MTSS2: variants seen among roughly 807,000 people sequenced by gnomAD.
MTSS2 encodes the protein protein MTSS 2.
Under a neutral mutation model 67.1 loss-of-function variants are expected in MTSS2, and 27 were observed. The observed-to-expected ratio is 0.40, with a 90% CI of 0.30 to 0.55. The LOEUF (loss-of-function observed/expected upper bound fraction) is 0.55, where lower values mean the gene tolerates loss of function less well. Ranked by LOEUF, MTSS2 falls within the 20% of genes least tolerant of loss-of-function variation. The pLI is 0.43. For missense variants in MTSS2, 1,171 were observed against 1,067.8 expected (o/e 1.10, Z -1.35); for synonymous variants, 624 against 468.6 (o/e 1.33, Z -4.28).
intron 11 of MTSS2, among the ~76,000 whole-genome samples, chr16:70,668,661 G>A (rs2052811384): frequency 6.6e-6 from 1 of 152,218 alleles, no homozygotes; most frequent in African/African-American, 2.4e-5. Context: ...AAGGTATTGA[G>A]AGGTGATTAG....
chr16:70,677,008 G>T, intron 9 of MTSS2, 30 bp from the exon 10 acceptor site: 1 of 1,577,152 alleles, frequency 6.3e-7, no homozygotes, highest in East Asian at 2.3e-5. Context: ...GGGGTCACTG[G>T]AGGCAGCTCC....
Position 70,661,624 on chromosome 16 carries a change from A to AGTC in MTSS2, c.*2050_*2052dup, listed in dbSNP as rs1375368834. 2 of 341,844 alleles carry AGTC rather than the reference A, an allele frequency of 5.9e-6. No homozygotes were observed. Among genetic ancestry groups the AGTC allele is most frequent in the Non-Finnish European group, 1.1e-5 (2 of 175,722 alleles). 21.2% of individuals were successfully genotyped at this position (341,844 alleles called of 1,614,324 possible). A position where few individuals can be genotyped will look rare whatever the true frequency, so the allele number is the denominator to read the frequency against. ...GGGTGGGCCTATGAGGTGGTTGCTA[A>AGTC]GTCGACGCAAGGGCGGCGGGGGTGG... On this transcript the variant is annotated 3_prime_UTR_variant, in exon 15 of 15. Transcript: ENST00000338779.
At position 70,678,372 on chromosome 16, in the gene MTSS2, C is replaced by G. The variant is rs2053189151; in HGVS notation, c.504G>C (p.Leu168=). The G allele has an allele frequency of 6.2e-7, 1 of 1,612,748 alleles. No homozygotes were observed. Among genetic ancestry groups the G allele is most frequent in the South Asian group, 1.1e-5 (1 of 91,074 alleles). The change falls in exon 8 of 15, where the codon CTG becomes CTC. Residue 168 remains leucine, a synonymous_variant. Coordinates refer to ENST00000338779, the MANE Select transcript of MTSS2 (RefSeq NM_138383.3). The part of the protein sequence containing the change: ...GDLQPQLDSA[L]QDVNDMYLLL... ...GCAGGTACATGTCGTTGACGTCCTG[C>G]AGGGCACTGTCCAGCTGGGGCTGCA... is the stretch of plus-strand genomic sequence containing the variant.
chr16:70,680,887 C>CA lies in MTSS2; in HGVS notation c.132-21dup. 1 of 1,113,148 alleles carries CA rather than the reference C, an allele frequency of 9.0e-7. No individual in the cohort carries two copies. Among genetic ancestry groups the CA allele is most frequent in the Middle Eastern group, 2.3e-4 (1 of 4,428 alleles). The allele number at this position is 1,113,148 out of a possible 1,614,324, so 69.0% of individuals were successfully genotyped here. ...GTGGTCCTGGGGAGAGGGACAACGG[C>CA]ATGGATGGTCGGTGGTTGGGCGGGG... On this transcript the variant is annotated intron_variant, in intron 2 of 14. Transcript: ENST00000338779.
intron 9 of MTSS2, among the ~76,000 whole-genome samples, chr16:70,677,179 C>G (rs1004228538): frequency 7.2e-5 from 11 of 152,216 alleles, no homozygotes. Flanking sequence ...CTTCAGCTAA[C>G]ATGCACTGAG....
At chr16:70,685,176 G>C (rs2053412950) in intron 1 of MTSS2, among the ~76,000 whole-genome samples, 1 of 151,500 alleles carries the variant, frequency 6.6e-6, no homozygotes, top group African/African-American at 2.4e-5. Flanking sequence ...TGGAGACCTT[G>C]GAGTCCTGGA....
intron 1 of MTSS2, among the ~76,000 whole-genome samples, chr16:70,684,972 A>G (rs2053407803): frequency 6.6e-6 from 1 of 152,122 alleles, no homozygotes; most frequent in African/African-American, 2.4e-5. Context: ...GGGGTGAGGA[A>G]TGAATGGGTG....
chr16:70,663,336 A>G lies in MTSS2; in HGVS notation c.*341T>C. On this transcript the variant is annotated 3_prime_UTR_variant, in exon 15 of 15. Coordinates refer to ENST00000338779, the MANE Select transcript of MTSS2 (RefSeq NM_138383.3). ...GGGAGAGGCCGGGATGGTGAAAGGG[A>G]GGCCAGCCTGGCCCCTCTGTCATGG... The G allele has an allele frequency of 3.3e-6, 1 of 306,796 alleles. No individual in the cohort carries two copies. Among genetic ancestry groups the G allele is most frequent in the Middle Eastern group, 9.4e-4 (1 of 1,060 alleles). 19.0% of individuals were successfully genotyped at this position (306,796 alleles called of 1,614,324 possible).
Position 70,679,710 on chromosome 16 carries a change from G to T in MTSS2, c.383-6C>A, listed in dbSNP as rs767355030. 1.2e-6 allele frequency: 2 copies of T among 1,611,284 alleles called. No homozygotes were observed. The highest frequency in any genetic ancestry group is 1.7e-6 in the Non-Finnish European group (2 of 1,178,848). On this transcript the variant is annotated splice_polypyrimidine_tract_variant and splice_region_variant and intron_variant, in intron 5 of 14. Transcript: ENST00000338779. ...ATGCCGGGCTCGTTTGTACTCTGCA[G>T]AAGGGGAGAGCGGAGCGCTCTAATG...
intron 11 of MTSS2, among the ~76,000 whole-genome samples, chr16:70,669,754 T>G (rs1283878015): frequency 6.8e-6 from 1 of 146,240 alleles, no homozygotes; most frequent in African/African-American, 2.6e-5. Context: ...GAGGCGGAGG[T>G]TGCAGTGAGC....
At position 70,677,662 on chromosome 16, in the gene MTSS2, G is replaced by A. The variant is rs564624630; in HGVS notation, c.732+130C>T. Reference sequence around the variant, plus strand: ...GATGGCCTGCAGTGGGTGTCAGAAGGGGTCTGGTCTTATGCCCCTAGCTGC... The same window carrying A: ...GATGGCCTGCAGTGGGTGTCAGAAGAGGTCTGGTCTTATGCCCCTAGCTGC... On this transcript the variant is annotated intron_variant, in intron 9 of 14. Transcript: ENST00000338779. 1.3e-4 allele frequency: 88 copies of A among 683,888 alleles called. No individual in the cohort carries two copies. In the African/African-American group the frequency reaches 1.4e-3, roughly 11 times the overall value. 42.4% of individuals were successfully genotyped at this position (683,888 alleles called of 1,614,324 possible). A position where few individuals can be genotyped will look rare whatever the true frequency, so the allele number is the denominator to read the frequency against.
At position 70,661,462 on chromosome 16, in the gene MTSS2, C is replaced by T; in HGVS notation, c.*2215G>A. The T allele has an allele frequency of 2.7e-6, 1 of 364,240 alleles. No homozygotes were observed. Among genetic ancestry groups the T allele is most frequent in the Non-Finnish European group, 5.4e-6 (1 of 184,570 alleles). 22.6% of individuals were successfully genotyped at this position (364,240 alleles called of 1,614,324 possible). A position where few individuals can be genotyped will look rare whatever the true frequency, so the allele number is the denominator to read the frequency against. The stretch of plus-strand genomic sequence containing the variant: ...ATTAAAAAAAGGAACGAGTTAACAA[C>T]AGCACCAGGAAAGTTACTTCAGTCA... On this transcript the variant is annotated 3_prime_UTR_variant, in exon 15 of 15. Coordinates refer to ENST00000338779, the MANE Select transcript of MTSS2 (RefSeq NM_138383.3).
In MTSS2 at chr16:70,679,697, T is replaced by C; in HGVS notation, c.390A>G (p.Lys130=). 6.2e-7 allele frequency: 1 copy of C among 1,611,504 alleles called. No individual in the cohort carries two copies. The stretch of plus-strand genomic sequence containing the variant: ...TCTTTTTGATCTCATGCCGGGCTCG[T>C]TTGTACTCTGCAGAAGGGGAGAGCG... ...QLDKDHAKEY[K]RARHEIKKKS... The change falls in exon 6 of 15, where the codon AAA becomes AAG. Residue 130 remains lysine (K), a synonymous_variant. Transcript: ENST00000338779.
At position 70,664,190 on chromosome 16, in the gene MTSS2, G is replaced by A. The variant is rs947725884; in HGVS notation, c.1731C>T (p.Ala577=). Residue 577 remains alanine, a synonymous_variant, in exon 15 of 15, where the codon GCC becomes GCT. Coordinates refer to ENST00000338779, the MANE Select transcript of MTSS2 (RefSeq NM_138383.3). ...TPSTKPTVRR[A]LSSAGPIPIR... ...TGGGGATGGGGCCAGCGCTGGACAG[G>A]GCGCGGCGCACGGTGGGCTTGGTGG... 1.9e-6 allele frequency: 3 copies of A among 1,599,144 alleles called. No homozygotes were observed. The highest frequency in any genetic ancestry group is 2.5e-6 in the Non-Finnish European group (3 of 1,176,732).
intron 6 of MTSS2, 44 bp from the exon 7 acceptor site, chr16:70,679,367 A>G (rs1002387385): frequency 3.1e-6 from 5 of 1,612,330 alleles, no homozygotes; most frequent in Non-Finnish European, 4.2e-6. Context: ...ACAGAGAAAG[A>G]AAGAATGTGT....
rs761967299 is a variant in MTSS2 at position 70,664,181 on chromosome 16, G to A, written c.1740C>T (p.Ser580=). The A allele has an allele frequency of 5.6e-6, 9 of 1,602,490 alleles. No individual in the cohort carries two copies. Among genetic ancestry groups the A allele is most frequent in the East Asian group, 2.2e-5 (1 of 44,790 alleles). The change falls in exon 15 of 15, where the codon AGC becomes AGT. Residue 580 remains serine (S), a synonymous_variant. Transcript: ENST00000338779. ...GCGGCCGGATGGGGATGGGGCCAGC[G>A]CTGGACAGGGCGCGGCGCACGGTGG... ...TKPTVRRALS[S]AGPIPIRPPI...
Position 70,679,780 on chromosome 16 carries a change from C to T in MTSS2, c.382+6G>A, listed in dbSNP as rs1195854193. On this transcript the variant is annotated splice_donor_region_variant and intron_variant, in intron 5 of 14. Coordinates refer to ENST00000338779, the MANE Select transcript of MTSS2 (RefSeq NM_138383.3). ...GGTGGGAAGCCCGGCTCCGCGCCAC[C>T]CTCACCTTTCGCGTGGTCCTTGTCC... The T allele has an allele frequency of 2.5e-6, 4 of 1,611,540 alleles. No individual in the cohort carries two copies. In the African/African-American group the frequency reaches 4.0e-5, roughly 16 times the overall value.
chr16:70,678,955 AAG>A (rs1191415168), intron 7 of MTSS2, among the ~76,000 whole-genome samples: 9 of 152,214 alleles, frequency 5.9e-5, no homozygotes, highest in African/African-American at 1.7e-4. Flanking sequence ...AGCAGCAAGA[AAG>A]AGAGAGGCGA....
chr16:70,664,593 C>G lies in MTSS2; in HGVS notation c.1471+5G>C. The G allele has an allele frequency of 6.2e-7, 1 of 1,611,026 alleles. No homozygotes were observed. Among genetic ancestry groups the G allele is most frequent in the Non-Finnish European group, 8.5e-7 (1 of 1,178,608 alleles). ...CCTGGTCCCACCCCAGCCCCGCGGG[C>G]CTGCCTTGGGAGGGGATGGTGTCCT... On this transcript the variant is annotated splice_donor_5th_base_variant and intron_variant, in intron 14 of 14. Coordinates refer to ENST00000338779, the MANE Select transcript of MTSS2 (RefSeq NM_138383.3).
Sources: allele counts gnomAD v4.1 joint callset (sites outside exome capture counted in the v4.1 genomes callset), GRCh38; gene constraint gnomAD v4.1.1; transcripts MANE v1.5; gene names NCBI Gene and HGNC (gene_info 2026-07-23, HGNC 2026-07-21).